Variants in ADCY1 observed in about 807,000 individuals in gnomAD.
ADCY1 encodes adenylate cyclase 1, also known as adenylate cyclase type 1.
In ADCY1, 28 loss-of-function variants were observed where a neutral mutation model predicts 105.4. The observed-to-expected ratio is 0.27, with a 90% confidence interval of 0.20 to 0.36. The LOEUF is 0.36. Ranked by LOEUF, ADCY1 falls within the 10% of genes least tolerant of loss-of-function variation. The pLI is 1.00. For missense variants in ADCY1, 977 were observed against 1,434.2 expected, an observed-to-expected ratio of 0.68 and a Z score of 5.15; for synonymous variants, 655 against 623.8, an observed-to-expected ratio of 1.05 and a Z score of -0.75.
chr7:45,680,569 T>C (rs1372031666), intron 11 of ADCY1: 2 of 152,284 alleles, frequency 1.3e-5, no homozygotes, highest in Non-Finnish European at 2.9e-5. Context: ...AGATTAAATC[T>C]AGTTTCATTC....
intron 11 of ADCY1, among the ~76,000 whole-genome samples, chr7:45,682,724 C>T (rs1428129223): frequency 6.6e-6 from 1 of 152,206 alleles, no homozygotes; most frequent in Non-Finnish European, 1.5e-5. Flanking sequence ...TGGGCCCACC[C>T]AGGCTGGCTA....
chr7:45,680,368 G>T (rs139062805), intron 11 of ADCY1: 1 of 169,190 alleles, frequency 5.9e-6, no homozygotes, highest in African/African-American at 2.4e-5. Flanking sequence ...CAGGAAAGAC[G>T]TGAGCTTTGC....
At chr7:45,685,567 TAACAGGACAGAGCTGGGGGCAGGAGG>T (rs1346819829) in intron 12 of ADCY1, among the ~76,000 whole-genome samples, 7 of 136,590 alleles carry the variant, frequency 5.1e-5, no homozygotes, top group South Asian at 2.4e-4. Context: ...GGGGCATGAT[TAACAGGACAGAGCTGGGGGCAGGAGG>T]AACAGGACAG....
chr7:45,597,969 A>C (rs542234426), intron 2 of ADCY1, among the ~76,000 whole-genome samples: 1 of 152,350 alleles, frequency 6.6e-6, no homozygotes, highest in East Asian at 1.9e-4. Flanking sequence ...TCAACACAGC[A>C]AAACAAAGAA....
At chr7:45,578,309 G>A (rs1010836859) in intron 1 of ADCY1, among the ~76,000 whole-genome samples, 12 of 152,176 alleles carry the variant, frequency 7.9e-5, no homozygotes, top group Non-Finnish European at 1.6e-4. Flanking sequence ...TGAGGGGGAG[G>A]TATCCATAAA....
intron 11 of ADCY1, among the ~76,000 whole-genome samples, chr7:45,681,683 G>A (rs1374527677): frequency 6.6e-6 from 1 of 152,156 alleles, no homozygotes; most frequent in African/African-American, 2.4e-5. Flanking sequence ...GCTCTGCACC[G>A]GGCTCTGAGC....
intron 1 of ADCY1, among the ~76,000 whole-genome samples, chr7:45,581,644 A>G (rs1025707401): frequency 6.6e-6 from 1 of 152,162 alleles, no homozygotes; most frequent in African/African-American, 2.4e-5. Context: ...CTGACCACCT[A>G]TCCATGTCCA....
At chr7:45,687,977 C>A (rs1415732849) in intron 14 of ADCY1, among the ~76,000 whole-genome samples, 1 of 152,208 alleles carries the variant, frequency 6.6e-6, no homozygotes, top group Non-Finnish European at 1.5e-5. Flanking sequence ...CAGGAGGAAG[C>A]GTGGCCAGGA....
rs372821773 is a variant in ADCY1 at position 45,703,556 on chromosome 7, G to A, written c.2572-44G>A. ...CACTGCTCTGGCCACCCCACTTGGCGCTCACCTGGCTGACCCTTCCTGACC... is the reference window on the plus strand; with the variant it reads ...CACTGCTCTGGCCACCCCACTTGGCACTCACCTGGCTGACCCTTCCTGACC... On this transcript the variant is annotated intron_variant, in intron 15 of 19. Transcript: ENST00000297323. This position sits in a 1 kb window ranked among gnomAD's most constrained non-coding sequence, Gnocchi z 5.9. The A allele has an allele frequency of 2.1e-4, 332 of 1,611,958 alleles. 1 individual carries two copies. The highest frequency in any genetic ancestry group is 2.5e-4 in the Non-Finnish European group (291 of 1,178,518).
At chr7:45,687,108 G>A (rs1343992219) in intron 14 of ADCY1, among the ~76,000 whole-genome samples, 1 of 152,132 alleles carries the variant, frequency 6.6e-6, no homozygotes, top group Non-Finnish European at 1.5e-5. Flanking sequence ...AATTGAGTAG[G>A]TCAGCAGGTG....
At position 45,610,177 on chromosome 7, in the gene ADCY1, G is replaced by A. The variant is rs77356160; in HGVS notation, c.790-202G>A. The stretch of plus-strand genomic sequence containing the variant: ...TCCAGGGAGTAGCATGAGGAGCGCC[G>A]CAGGGAGGCTTGGGTGTTGGGGAGG... On this transcript the variant is annotated intron_variant, in intron 2 of 19. Coordinates refer to ENST00000297323, the MANE Select transcript of ADCY1 (RefSeq NM_021116.4). 7.7e-3 allele frequency among the ~76,000 whole-genome samples: 1,173 copies of A among 152,302 alleles called. 31 individuals are homozygous for A. The highest frequency in any genetic ancestry group is 0.051 in the Admixed American group (776 of 15,296).
chr7:45,710,851 C>T lies in ADCY1; in HGVS notation c.3057+199C>T, dbSNP rs1785218903. ...TTTTGCTGTTTGGTTTGTCATTTAG[C>T]CTTGGGGGCTGGCTCCTGAGTGACC... On this transcript the variant is annotated intron_variant, in intron 19 of 19. Coordinates refer to ENST00000297323, the MANE Select transcript of ADCY1 (RefSeq NM_021116.4). This position sits in a 1 kb window ranked among gnomAD's most constrained non-coding sequence, Gnocchi z 4.7. Among the ~76,000 whole-genome samples the T allele has an allele frequency of 6.6e-6, 1 of 152,152 alleles. No individual in the cohort carries two copies. The highest frequency in any genetic ancestry group is 2.1e-4 in the South Asian group (1 of 4,824).
intron 3 of ADCY1, among the ~76,000 whole-genome samples, chr7:45,621,792 A>G (rs1333041368): frequency 6.6e-6 from 1 of 152,226 alleles, no homozygotes; most frequent in Non-Finnish European, 1.5e-5. Context: ...AGTTAGAGAA[A>G]AAGCCAAGAA....
chr7:45,603,634 C>G (rs938279624), intron 2 of ADCY1, among the ~76,000 whole-genome samples: 1 of 152,134 alleles, frequency 6.6e-6, no homozygotes, highest in African/African-American at 2.4e-5. Context: ...ATTGGGACAG[C>G]CAAGATATGG....
chr7:45,610,305 T>C (rs1018143652), intron 2 of ADCY1, 74 bp from the exon 3 acceptor site: 1 of 1,382,032 alleles, frequency 7.2e-7, no homozygotes, highest in Non-Finnish European at 1.0e-6. Context: ...GCGCCCTTAC[T>C]GGGGAGGGTG....
chr7:45,659,937 G>C, intron 6 of ADCY1, 105 bp from the exon 7 acceptor site: 1 of 1,416,942 alleles, frequency 7.1e-7, no homozygotes, highest in Non-Finnish European at 9.7e-7. Flanking sequence ...GCCTGCCCTG[G>C]TGTGGGGAAG....
At position 45,719,810 on chromosome 7, in the gene ADCY1, C is replaced by T. The variant is rs1455307786; in HGVS notation, c.*5815C>T. On this transcript the variant is annotated 3_prime_UTR_variant, in exon 20 of 20. Transcript: ENST00000297323. ...ATTTGGGGAACCATCCCCGAATGCC[C>T]TGATGTGATTTCCCTCAGAAAATCC... 6.6e-6 allele frequency: 1 copy of T among 152,144 alleles called. No homozygotes were observed. The highest frequency in any genetic ancestry group is 1.5e-5 in the Non-Finnish European group (1 of 68,018). The allele number at this position is 152,144 out of a possible 1,614,324, so 9.4% of individuals were successfully genotyped here.
At chr7:45,677,473 G>A (rs1784477901) in intron 8 of ADCY1, among the ~76,000 whole-genome samples, 1 of 152,148 alleles carries the variant, frequency 6.6e-6, no homozygotes, top group Admixed American at 6.5e-5. Context: ...GTTTGCCACC[G>A]TTTCTCTCTC....
chr7:45,579,915 G>C (rs1163296564), intron 1 of ADCY1, among the ~76,000 whole-genome samples: 1 of 152,130 alleles, frequency 6.6e-6, no homozygotes, highest in African/African-American at 2.4e-5. Flanking sequence ...GCAACAGCAG[G>C]GGACATCCAT....
Sources: gnomAD v4.1 joint callset for allele counts (sites outside exome capture counted in the v4.1 genomes callset) on GRCh38, gnomAD v4.1.1 for gene constraint, Gnocchi (gnomAD v3.1) non-coding constraint, MANE v1.5 for transcripts, NCBI Gene and HGNC (gene_info 2026-07-23, HGNC 2026-07-21) for gene names.